FRYL: variants seen among roughly 807,000 people sequenced by gnomAD.
FRYL encodes the protein protein furry homolog-like.
In FRYL, 150 loss-of-function variants were observed where a neutral mutation model predicts 351.2. The observed-to-expected ratio is 0.43, with a 90% CI of 0.37 to 0.49. The LOEUF (loss-of-function observed/expected upper bound fraction) is 0.49. Among genes scored for constraint, FRYL ranks in the 20% least tolerant of loss-of-function variants. The pLI, the probability that FRYL is intolerant of heterozygous loss-of-function variation, is 0.00. For synonymous variants in FRYL, 1,153 were observed against 1,257.1 expected, an observed-to-expected ratio of 0.92 and a Z score of 1.75; for missense variants, 3,036 against 3,619.3, an observed-to-expected ratio of 0.84 and a Z score of 4.13.
At chr4:48,720,875 A>G (rs1161850692) in intron 1 of FRYL, among the ~76,000 whole-genome samples, 1 of 152,240 alleles carries the variant, frequency 6.6e-6, no homozygotes, top group Non-Finnish European at 1.5e-5. Context: ...TAGCTAAGAT[A>G]GATTCTATGG....
chr4:48,733,062 G>A (rs757717390), intron 1 of FRYL, among the ~76,000 whole-genome samples: 2 of 151,920 alleles, frequency 1.3e-5, no homozygotes, highest in Non-Finnish European at 2.9e-5. Flanking sequence ...GATCACCTGA[G>A]ATCAGGAGTT....
In FRYL at chr4:48,724,583, G is replaced by C. The variant is rs77310780; in HGVS notation, c.-383-13885C>G. ...AAGCTCCAGGAGTTGGGTGCGGGGG[G>C]GCTGTCTTGTGGATATTTACAATCC... On this transcript the variant is annotated intron_variant, in intron 1 of 63. Transcript: ENST00000358350. Among the ~76,000 whole-genome samples the C allele has an allele frequency of 4.3e-3, 658 of 152,212 alleles. 3 individuals are homozygous for C. Among genetic ancestry groups the C allele is most frequent in the Non-Finnish European group, 7.0e-3 (477 of 68,008 alleles).
intron 1 of FRYL, among the ~76,000 whole-genome samples, chr4:48,756,022 C>A (rs942223864): frequency 3.2e-4 from 49 of 151,472 alleles, no homozygotes; most frequent in Non-Finnish European, 7.1e-4. Context: ...CTGCTTGAGC[C>A]CAGGAATTTG....
chr4:48,606,696 C>G (rs534860102), intron 9 of FRYL, 90 bp from the exon 10 acceptor site: 1 of 974,904 alleles, frequency 1.0e-6, no homozygotes, highest in Non-Finnish European at 1.5e-6. Context: ...AGGTATGCTA[C>G]CTAAATATCA....
chr4:48,548,308 A>AGTT (rs1731850232), intron 40 of FRYL, among the ~76,000 whole-genome samples: 1 of 152,172 alleles, frequency 6.6e-6, no homozygotes, highest in East Asian at 1.9e-4. Flanking sequence ...GCTATCCAAC[A>AGTT]ACCCAGTTCT....
intron 19 of FRYL, among the ~76,000 whole-genome samples, chr4:48,585,512 G>C (rs1313220364): frequency 6.6e-6 from 1 of 152,196 alleles, no homozygotes; most frequent in Non-Finnish European, 1.5e-5. Context: ...TTTCAACATA[G>C]TCAAATATTG....
intron 1 of FRYL, among the ~76,000 whole-genome samples, chr4:48,768,854 G>A (rs374671139): frequency 1.3e-5 from 2 of 151,914 alleles, no homozygotes; most frequent in African/African-American, 2.4e-5. Flanking sequence ...TATATGGCTC[G>A]GCACAGTGGC....
chr4:48,544,068 GAATCATCTTA>G (rs1489488703), intron 43 of FRYL, 71 bp from the exon 44 acceptor site: 38 of 1,326,756 alleles, frequency 2.9e-5, no homozygotes, highest in Non-Finnish European at 4.0e-5. Context: ...AATCAGAAGT[GAATCATCTTA>G]AAGCTAGCAG....
chr4:48,570,784 T>C (rs780655328), intron 27 of FRYL, 43 bp downstream of exon 27: 7 of 1,391,104 alleles, frequency 5.0e-6, no homozygotes, highest in African/African-American at 2.8e-5. Flanking sequence ...TTACGTTCTC[T>C]AGGATCATTC....
chr4:48,659,223 C>T (rs373097623), intron 3 of FRYL, among the ~76,000 whole-genome samples: 6 of 151,186 alleles, frequency 4.0e-5, no homozygotes, highest in African/African-American at 7.3e-5. Flanking sequence ...TAGTGGTGTG[C>T]GCTTGTAGTC....
rs78751774 is a variant in FRYL at position 48,539,748 on chromosome 4, G to A, written c.6393+223C>T. The stretch of plus-strand genomic sequence containing the variant: ...GAGCAGAAAAAGACTCAGACTCAGA[G>A]GAGTGTTACTCTAACTAAATAATTT... On this transcript the variant is annotated intron_variant, in intron 47 of 63. Transcript: ENST00000358350. 1.5e-3 allele frequency among the ~76,000 whole-genome samples: 236 copies of A among 152,260 alleles called. 1 individual carries two copies. Among genetic ancestry groups the A allele is most frequent in the African/African-American group, 5.5e-3 (228 of 41,558 alleles).
chr4:48,600,950 TA>T (rs1257021242), intron 13 of FRYL, among the ~76,000 whole-genome samples: 12 of 152,184 alleles, frequency 7.9e-5, no homozygotes, highest in Non-Finnish European at 1.5e-4. Flanking sequence ...AACGTTTATC[TA>T]GAAGGAAAAT....
At chr4:48,755,551 A>G (rs1430470504) in intron 1 of FRYL, among the ~76,000 whole-genome samples, 1 of 152,218 alleles carries the variant, frequency 6.6e-6, no homozygotes, top group Non-Finnish European at 1.5e-5. Context: ...GAAACGTTGC[A>G]AAATCTCCAG....
intron 3 of FRYL, among the ~76,000 whole-genome samples, chr4:48,659,964 A>AGAG (rs1305817516): frequency 1.3e-5 from 2 of 148,392 alleles, no homozygotes; most frequent in African/African-American, 5.0e-5. Flanking sequence ...AAGAAGAAGA[A>AGAG]GAAGAAAGGA....
At chr4:48,639,342 C>A (rs1159398906) in intron 3 of FRYL, among the ~76,000 whole-genome samples, 2 of 152,172 alleles carry the variant, frequency 1.3e-5, no homozygotes, top group East Asian at 3.9e-4. Context: ...AATAGACTAA[C>A]TGATCAATGG....
chr4:48,566,483 G>GA (rs1049026290), intron 28 of FRYL, among the ~76,000 whole-genome samples: 2 of 151,980 alleles, frequency 1.3e-5, no homozygotes, highest in South Asian at 4.2e-4. Context: ...AGAAAATTTC[G>GA]AAAAAAATAT....
intron 25 of FRYL, among the ~76,000 whole-genome samples, chr4:48,573,620 G>A (rs1738865971): frequency 6.6e-6 from 1 of 152,116 alleles, no homozygotes; most frequent in African/African-American, 2.4e-5. Flanking sequence ...CGTGATCTCG[G>A]CTCACTGCAA....
intron 31 of FRYL, among the ~76,000 whole-genome samples, chr4:48,563,249 C>T (rs1735919548): frequency 7.0e-6 from 1 of 143,492 alleles, no homozygotes; most frequent in African/African-American, 2.6e-5. Flanking sequence ...TTGTGTCACA[C>T]ATAAAATACA....
chr4:48,653,575 AC>A, intron 3 of FRYL: 1 of 431,456 alleles, frequency 2.3e-6, no homozygotes, highest in East Asian at 8.0e-5. Context: ...CTTACTGATT[AC>A]CATTCAAGAA....
Sources: gnomAD v4.1 joint callset for allele counts (sites outside exome capture counted in the v4.1 genomes callset) on GRCh38, gnomAD v4.1.1 for gene constraint, MANE v1.5 for transcripts, NCBI Gene and HGNC (gene_info 2026-07-23, HGNC 2026-07-21) for gene names.